The following MAPK8 variants were observed in gnomAD, a reference collection of about 807,000 sequenced individuals.
The protein encoded by MAPK8 is mitogen-activated protein kinase 8, also known as JUN N-terminal kinase.
MAPK8 carries 13 observed loss-of-function variants against 52.9 expected under a neutral mutation model. That is an observed-to-expected ratio of 0.25 (90% confidence interval 0.16 to 0.39). MAPK8 has a LOEUF of 0.39. Ranked by LOEUF, MAPK8 falls within the 10% of genes least tolerant of loss-of-function variation. MAPK8 has a pLI of 1.00. For synonymous variants in MAPK8, 191 were observed against 169.8 expected, an observed-to-expected ratio of 1.12 and a Z score of -0.97; for missense variants, 300 against 519.2, an observed-to-expected ratio of 0.58 and a Z score of 4.10.
At chr10:48,339,623 A>G (rs1212800766) in intron 1 of MAPK8, among the ~76,000 whole-genome samples, 4 of 152,358 alleles carry the variant, frequency 2.6e-5, no homozygotes, top group Non-Finnish European at 5.9e-5. Flanking sequence ...CAAACAGGGT[A>G]AACAGCGTAC....
chr10:48,336,660 A>T (rs2132296885), intron 1 of MAPK8, among the ~76,000 whole-genome samples: 1 of 152,344 alleles, frequency 6.6e-6, no homozygotes, highest in East Asian at 1.9e-4. Context: ...TAACTTTTTC[A>T]AAAGAAAAAA....
intron 1 of MAPK8, among the ~76,000 whole-genome samples, chr10:48,373,274 G>C (rs1353945069): frequency 6.6e-6 from 1 of 152,054 alleles, no homozygotes; most frequent in East Asian, 1.9e-4. Context: ...ACTAGCCACT[G>C]CAAAAACATA....
chr10:48,373,681 AT>A (rs1259149834), intron 1 of MAPK8, among the ~76,000 whole-genome samples: 1 of 151,132 alleles, frequency 6.6e-6, no homozygotes, highest in Non-Finnish European at 1.5e-5. Flanking sequence ...TGGGAAAGAG[AT>A]GAATGAAACA....
Position 48,317,453 on chromosome 10 carries a change from A to G in MAPK8, c.-50+10632A>G, listed in dbSNP as rs534830313. Among the ~76,000 whole-genome samples the G allele has an allele frequency of 4.5e-4, 68 of 152,316 alleles. 1 individual carries two copies. The highest frequency in any genetic ancestry group is 3.1e-3 in the South Asian group (15 of 4,824). Reference sequence around the variant, plus strand: ...GCTGGGATTATAGGCGTGAGCCACCACACCCAGCCCCTGAATGAAACACTT... The same window carrying G: ...GCTGGGATTATAGGCGTGAGCCACCGCACCCAGCCCCTGAATGAAACACTT... On this transcript the variant is annotated intron_variant, in intron 1 of 11. Transcript: ENST00000374189.
intron 1 of MAPK8, among the ~76,000 whole-genome samples, chr10:48,373,228 T>C (rs1226386153): frequency 6.6e-6 from 1 of 152,010 alleles, no homozygotes; most frequent in African/African-American, 2.4e-5. Context: ...TAGGAGCTCC[T>C]GAAGGAAGCA....
rs141304810 is a variant in MAPK8, at chr10:48,312,875, A to G, written c.-50+6054A>G. ...CTCAAAATTCCAAAGATTTAAAAAG[A>G]TAAAGAATCTCCTTTTCTACTCTGT... is the stretch of plus-strand genomic sequence containing the variant. On this transcript the variant is annotated intron_variant, in intron 1 of 11. Coordinates refer to ENST00000374189, the MANE Select transcript of MAPK8 (RefSeq NM_001323329.2). Among the ~76,000 whole-genome samples the G allele has an allele frequency of 1.9e-3, 290 of 152,352 alleles. 2 individuals are homozygous for G. The highest frequency in any genetic ancestry group is 6.6e-3 in the African/African-American group (276 of 41,580).
chr10:48,358,531 G>A (rs1847202558), intron 1 of MAPK8, among the ~76,000 whole-genome samples: 1 of 152,094 alleles, frequency 6.6e-6, no homozygotes, highest in African/African-American at 2.4e-5. Context: ...AGATACATGA[G>A]TTGCAAATAT....
intron 1 of MAPK8, among the ~76,000 whole-genome samples, chr10:48,385,156 T>TG (rs1441592732): frequency 1.3e-5 from 2 of 152,224 alleles, no homozygotes; most frequent in African/African-American, 4.8e-5. Flanking sequence ...TTCCATAGCA[T>TG]GTGGCTTCAA....
At chr10:48,311,264 T>C (rs1265090818) in intron 1 of MAPK8, among the ~76,000 whole-genome samples, 1 of 152,254 alleles carries the variant, frequency 6.6e-6, no homozygotes, top group African/African-American at 2.4e-5. Flanking sequence ...ACCAGTTTAA[T>C]GCACAGTGTC....
chr10:48,340,500 CATGTAACA>C (rs1259820503), intron 1 of MAPK8, among the ~76,000 whole-genome samples: 3 of 152,008 alleles, frequency 2.0e-5, no homozygotes, highest in Admixed American at 6.6e-5. Flanking sequence ...GCAATGTACC[CATGTAACA>C]AACCTGCGTA....
rs144483239 is a variant in MAPK8 at position 48,429,115 on chromosome 10, G to A, written c.1060+1972G>A. Among the ~76,000 whole-genome samples the A allele has an allele frequency of 3.8e-3, 572 of 151,518 alleles. 3 individuals carry two copies. Among genetic ancestry groups the A allele is most frequent in the African/African-American group, 0.013 (554 of 41,272 alleles). On this transcript the variant is annotated intron_variant, in intron 10 of 11. Coordinates refer to ENST00000374189, the MANE Select transcript of MAPK8 (RefSeq NM_001323329.2). Reference sequence around the variant, plus strand: ...GGGATTATAAGTCTTAAGCCACTGCGCCCAGCCTAATTTTTAAAAAAAAAT... The same window carrying A: ...GGGATTATAAGTCTTAAGCCACTGCACCCAGCCTAATTTTTAAAAAAAAAT...
At chr10:48,374,672 C>T (rs1564547248) in intron 1 of MAPK8, among the ~76,000 whole-genome samples, 1 of 152,132 alleles carries the variant, frequency 6.6e-6, no homozygotes, top group Non-Finnish European at 1.5e-5. Context: ...TATACACCCT[C>T]CCAAGACTAA....
At chr10:48,371,289 G>A (rs1255705891) in intron 1 of MAPK8, among the ~76,000 whole-genome samples, 2 of 152,098 alleles carry the variant, frequency 1.3e-5, no homozygotes, top group East Asian at 1.9e-4. Flanking sequence ...TAATGCCTCA[G>A]GAGTATCATA....
intron 5 of MAPK8, among the ~76,000 whole-genome samples, chr10:48,416,786 G>C (rs1469942368): frequency 6.6e-6 from 1 of 152,152 alleles, no homozygotes; most frequent in African/African-American, 2.4e-5. Flanking sequence ...TTCCTAATCA[G>C]TCCTCCTGAC....
chr10:48,397,839 C>T (rs1384945978), intron 1 of MAPK8, among the ~76,000 whole-genome samples: 1 of 152,118 alleles, frequency 6.6e-6, no homozygotes, highest in African/African-American at 2.4e-5. Flanking sequence ...GATCTGCCCT[C>T]CTCAGCCTCC....
chr10:48,432,186 G>A (rs2044351253), intron 11 of MAPK8, among the ~76,000 whole-genome samples: 1 of 152,120 alleles, frequency 6.6e-6, no homozygotes, highest in African/African-American at 2.4e-5. Flanking sequence ...AAAAGATCTT[G>A]ATTTTGAAGT....
At chr10:48,420,007 T>G in intron 5 of MAPK8, 148 bp from the exon 6 acceptor site, 1 of 498,426 alleles carries the variant, frequency 2.0e-6, no homozygotes, top group Non-Finnish European at 3.4e-6. Context: ...AGGTTTGCCT[T>G]TTAACGATGA....
chr10:48,307,911 G>A (rs1414858948), intron 1 of MAPK8, among the ~76,000 whole-genome samples: 1 of 152,172 alleles, frequency 6.6e-6, no homozygotes, highest in East Asian at 1.9e-4. Context: ...TTTGACTGAA[G>A]TATAATAGAT....
At chr10:48,309,588 C>T (rs964017784) in intron 1 of MAPK8, among the ~76,000 whole-genome samples, 1 of 152,150 alleles carries the variant, frequency 6.6e-6, no homozygotes, top group South Asian at 2.1e-4. Context: ...CTGATATTAT[C>T]AAAGTGACCT....
Sources: allele counts gnomAD v4.1 joint callset (sites outside exome capture counted in the v4.1 genomes callset), GRCh38; gene constraint gnomAD v4.1.1; transcripts MANE v1.5; gene names NCBI Gene and HGNC (gene_info 2026-07-23, HGNC 2026-07-21).